The following GRK3 variants were observed in gnomAD, a reference collection of about 807,000 sequenced individuals.
GRK3 encodes G protein-coupled receptor kinase 3, also known as adrenergic, beta, receptor kinase 2.
In GRK3, 54 loss-of-function variants were observed where a neutral mutation model predicts 95.7. That is an observed-to-expected ratio of 0.56 (90% CI 0.45 to 0.71). The LOEUF is 0.71. Among genes scored for constraint, GRK3 ranks in the 30% least tolerant of loss-of-function variants. GRK3 has a pLI of 0.00. For missense variants in GRK3, 649 were observed against 851.2 expected (o/e 0.76, Z 2.96); for synonymous variants, 281 against 290.8 (o/e 0.97, Z 0.34).
intron 5 of GRK3, among the ~76,000 whole-genome samples, chr22:25,664,345 C>A (rs1816342345): frequency 6.6e-6 from 1 of 152,064 alleles, no homozygotes; most frequent in Non-Finnish European, 1.5e-5. Flanking sequence ...CAGTGGTTTA[C>A]AAGGACAGTC....
intron 15 of GRK3, among the ~76,000 whole-genome samples, chr22:25,705,301 G>T (rs1029037698): frequency 6.6e-6 from 1 of 152,082 alleles, no homozygotes; most frequent in African/African-American, 2.4e-5. Context: ...ACCCGGTCTT[G>T]CCTTTTTCCA....
At chr22:25,702,868 A>T (rs760467845) in intron 13 of GRK3, 2 of 456,088 alleles carry the variant, frequency 4.4e-6, no homozygotes, top group Non-Finnish European at 8.8e-6. Context: ...GAAGGTTTCT[A>T]TGTGGCTGAC....
At chr22:25,686,880 C>T (rs537992809) in intron 10 of GRK3, among the ~76,000 whole-genome samples, 8 of 152,146 alleles carry the variant, frequency 5.3e-5, no homozygotes, top group South Asian at 2.1e-4. Flanking sequence ...AGTGCAGTGG[C>T]GTGATCTTGG....
chr22:25,638,396 G>C (rs1217471795), intron 2 of GRK3, among the ~76,000 whole-genome samples: 2 of 152,118 alleles, frequency 1.3e-5, no homozygotes, highest in Admixed American at 6.6e-5. Context: ...CACAATAAGG[G>C]GGAAACACTC....
intron 19 of GRK3, 83 bp downstream of exon 19, chr22:25,718,464 T>C: frequency 1.4e-6 from 2 of 1,426,820 alleles, no homozygotes; most frequent in East Asian, 4.6e-5. Context: ...ACATGTTTTA[T>C]ACACTATCCT....
At chr22:25,646,283 A>G (rs1409169869) in intron 3 of GRK3, among the ~76,000 whole-genome samples, 2 of 152,194 alleles carry the variant, frequency 1.3e-5, no homozygotes, top group Middle Eastern at 3.2e-3. Context: ...GACAAAATAG[A>G]TGAAGGGATA....
At chr22:25,632,886 T>A (rs1183807628) in intron 2 of GRK3, among the ~76,000 whole-genome samples, 1 of 152,148 alleles carries the variant, frequency 6.6e-6, no homozygotes, top group East Asian at 1.9e-4. Context: ...CTGCCTGGAT[T>A]ACTGTATCTT....
At chr22:25,593,353 CT>C (rs1448693717) in intron 1 of GRK3, among the ~76,000 whole-genome samples, 2 of 151,726 alleles carry the variant, frequency 1.3e-5, no homozygotes, top group African/African-American at 4.8e-5. Context: ...CTGTTTCTTT[CT>C]TTTCTTTTCT....
intron 11 of GRK3, among the ~76,000 whole-genome samples, chr22:25,688,184 T>G (rs998749415): frequency 3.6e-5 from 5 of 139,450 alleles, no homozygotes; most frequent in African/African-American, 8.2e-5. Context: ...TGCAGTGAGC[T>G]GAGATTGCAC....
In GRK3 at chr22:25,727,755, T is replaced by A. The variant is rs2085485862; in HGVS notation, c.*5305T>A. 6.6e-6 allele frequency: 1 copy of A among 152,228 alleles called. No homozygotes were observed. The highest frequency in any genetic ancestry group is 1.5e-5 in the Non-Finnish European group (1 of 68,040). 9.4% of individuals were successfully genotyped at this position (152,228 alleles called of 1,614,324 possible). ...AATTTTGTCCTAAATATCAGATGTC[T>A]TTGATGTAAGGGTAGGGAATGGAGA... On this transcript the variant is annotated 3_prime_UTR_variant, in exon 21 of 21. Transcript: ENST00000324198.
chr22:25,616,244 T>C (rs1314315595), intron 2 of GRK3, among the ~76,000 whole-genome samples: 6 of 152,234 alleles, frequency 3.9e-5, no homozygotes, highest in Admixed American at 2.0e-4. Context: ...GAGTAACTTA[T>C]GAAGAAAAGA....
chr22:25,692,863 A>C (rs1201458928), intron 12 of GRK3, among the ~76,000 whole-genome samples: 2 of 152,218 alleles, frequency 1.3e-5, no homozygotes, highest in Non-Finnish European at 2.9e-5. Flanking sequence ...TGATCTATTT[A>C]GTACAAGACG....
chr22:25,642,862 C>T (rs1178039541), intron 2 of GRK3, among the ~76,000 whole-genome samples: 2 of 152,168 alleles, frequency 1.3e-5, no homozygotes, highest in African/African-American at 4.8e-5. Flanking sequence ...ACACTCCACC[C>T]TATAAGAACA....
chr22:25,672,951 T>G (rs1555925611), intron 7 of GRK3, among the ~76,000 whole-genome samples: 2 of 152,014 alleles, frequency 1.3e-5, no homozygotes, highest in Non-Finnish European at 1.5e-5. Flanking sequence ...TTTCTTACAT[T>G]CTGTTTTATA....
intron 18 of GRK3, among the ~76,000 whole-genome samples, chr22:25,717,847 AGATTAAAGGGG>A (rs2085398977): frequency 6.6e-6 from 1 of 152,168 alleles, no homozygotes; most frequent in Non-Finnish European, 1.5e-5. Context: ...GATAAAAGGG[AGATTAAAGGGG>A]GAATCCCAAC....
At chr22:25,707,020 C>T (rs1398637435) in intron 15 of GRK3, among the ~76,000 whole-genome samples, 3 of 151,682 alleles carry the variant, frequency 2.0e-5, no homozygotes, top group Non-Finnish European at 4.4e-5. Context: ...AGGGGTCTTG[C>T]TATGCTGCCC....
chr22:25,710,104 T>TC (rs2085332448), intron 16 of GRK3, 140 bp downstream of exon 16: 5 of 698,402 alleles, frequency 7.2e-6, no homozygotes. Context: ...ACCACCCACC[T>TC]CCCCCAGCAT....
At chr22:25,645,283 G>A (rs961433959) in intron 3 of GRK3, among the ~76,000 whole-genome samples, 2 of 152,092 alleles carry the variant, frequency 1.3e-5, no homozygotes, top group South Asian at 2.1e-4. Context: ...GGCGAGAGAT[G>A]GAAACTCTAG....
intron 8 of GRK3, among the ~76,000 whole-genome samples, chr22:25,676,325 G>A (rs750446071): frequency 4.3e-4 from 65 of 152,278 alleles, no homozygotes; most frequent in African/African-American, 1.4e-3. Context: ...GCTTGGCACC[G>A]TTCATTAATT....
Sources: allele counts gnomAD v4.1 joint callset (sites outside exome capture counted in the v4.1 genomes callset), GRCh38; gene constraint gnomAD v4.1.1; transcripts MANE v1.5; gene names NCBI Gene and HGNC (gene_info 2026-07-23, HGNC 2026-07-21).